MUC4: variants seen among roughly 807,000 people sequenced by gnomAD.
MUC4 encodes the protein mucin 4, cell surface associated, also known as mucin-4.
A neutral mutation model predicts 257.9 loss-of-function variants in MUC4; 202 were observed. The observed-to-expected ratio is 0.78, with a 90% confidence interval of 0.70 to 0.88. MUC4 has a LOEUF of 0.88. Among genes scored for constraint, MUC4 ranks in the 40% least tolerant of loss-of-function variants. MUC4 has a pLI of 0.00. For synonymous variants in MUC4, 2,351 were observed against 2,757.1 expected, an observed-to-expected ratio of 0.85 and a Z score of 4.62; for missense variants, 5,976 against 6,513.7, an observed-to-expected ratio of 0.92 and a Z score of 2.84.
At chr3:195,775,277 C>T (rs112109766) in intron 3 of MUC4, among the ~76,000 whole-genome samples, 2 of 151,792 alleles carry the variant, frequency 1.3e-5, no homozygotes, top group African/African-American at 4.9e-5. Context: ...ATGCCGGCCG[C>T]ACTTTTTGCT....
chr3:195,767,703 TAC>T (rs1560263767), intron 7 of MUC4, among the ~76,000 whole-genome samples: 23 of 1,216 alleles, frequency 0.019, no homozygotes, highest in Admixed American at 0.044. Flanking sequence ...CCCCAAAAAA[TAC>T]CACCATCGGC....
Position 195,770,280 on chromosome 3 carries a change from G to A in MUC4, c.13334C>T (p.Ala4445Val). The A allele has an allele frequency of 6.2e-7, 1 of 1,614,054 alleles. No homozygotes were observed. The highest frequency in any genetic ancestry group is 8.5e-7 in the Non-Finnish European group (1 of 1,179,988). Residue 4445 changes from alanine to valine, a missense_variant, in exon 6 of 25, where the codon GCC (alanine) becomes GTC (valine). Ala to Val is a moderately conservative substitution (Grantham distance 64). Transcript: ENST00000463781. ...CCACGTGACCTTTAGGGCCCACCTG[G>A]CCTTGTAGCCCCCGTTGTTTGTCAT... ...RKMTNNGGYK[A>V]RWALKVTWVN...
In MUC4 at chr3:195,788,384, A is replaced by G. The variant is rs1170224900; in HGVS notation, c.3196T>C (p.Ser1066Pro). 1 of 1,526,478 alleles carries G rather than the reference A, an allele frequency of 6.6e-7. No individual in the cohort carries two copies. The highest frequency in any genetic ancestry group is 1.5e-5 in the African/African-American group (1 of 67,674). 94.6% of individuals were successfully genotyped at this position (1,526,478 alleles called of 1,614,324 possible). Residue 1066 changes from serine (S) to proline (P), a missense_variant, in exon 2 of 25, where the codon TCC (serine) becomes CCC (proline). Physicochemically the swap from Ser to Pro is moderately conservative, Grantham distance 74. This residue lies in a region of MUC4 where 68 missense variants were observed against 90.4 expected (regional missense o/e 0.75). Transcript: ENST00000463781. ...GGAAGAGGGGTGACGTGACCTGTGG[A>G]TGCTGAGGAAGTGTCAGTGACAGGA... ...PLPVTDTSSA[S>P]TGHVTPLPVT...
At position 195,780,753 on chromosome 3, in the gene MUC4, T is replaced by A. The variant is rs1727266550; in HGVS notation, c.10827A>T (p.Ala3609=). 2.7e-6 allele frequency: 4 copies of A among 1,482,970 alleles called. No individual in the cohort carries two copies. The highest frequency in any genetic ancestry group is 1.2e-5 in the South Asian group (1 of 81,766). The allele number at this position is 1,482,970 out of a possible 1,614,324, so 91.9% of individuals were successfully genotyped here. The change falls in exon 2 of 25, where the codon GCA becomes GCT. Residue 3609 remains alanine (A), a synonymous_variant. Coordinates refer to ENST00000463781, the MANE Select transcript of MUC4 (RefSeq NM_018406.7). ...TPLPVTDTSS[A]STGDTTRLPV... Reference sequence around the variant, plus strand: ...GAAGACGGGTGGTGTCACCTGTGGATGCTGAGGAAGTGTCGGTGACAGGAA... The same window carrying A: ...GAAGACGGGTGGTGTCACCTGTGGAAGCTGAGGAAGTGTCGGTGACAGGAA...
rs954441423 is a variant in MUC4, at chr3:195,757,244, G to A, written c.15071C>T (p.Ala5024Val). Residue 5024 changes from alanine (A) to valine (V), a missense_variant, in exon 18 of 25, where the codon GCA (alanine) becomes GTA (valine). Around this residue, in one of 44 missense-constraint regions of MUC4, gnomAD observed 996 missense variants for 1,137.3 expected, o/e 0.88. Transcript: ENST00000463781. This position sits in a 1 kb window ranked among gnomAD's most constrained non-coding sequence, Gnocchi z 4.8. ...CACAGTCCTGGGCTGGAGTGCAGAT[G>A]CCAAGCCAATCTTGGCACTTCTTGC... ...ILARSAKIGL[A>V]SALQPRTVVC... 9.9e-6 allele frequency: 16 copies of A among 1,613,466 alleles called. No individual in the cohort carries two copies. Among genetic ancestry groups the A allele is most frequent in the Non-Finnish European group, 1.4e-5 (16 of 1,179,526 alleles).
In MUC4 at chr3:195,798,573, G is replaced by A. The variant is rs947418735; in HGVS notation, c.83-7076C>T. Among the ~76,000 whole-genome samples, 115 of 151,782 alleles carry A rather than the reference G, an allele frequency of 7.6e-4. 1 individual carries two copies. Among genetic ancestry groups the A allele is most frequent in the Non-Finnish European group, 1.1e-3 (75 of 67,914 alleles). ...AAAAAAATTAGCCGGGCGTGGTGGC[G>A]GGCGCCTGTAGTCCCAGCTACTCGG... On this transcript the variant is annotated intron_variant, in intron 1 of 24. Transcript: ENST00000463781.
chr3:195,754,829 TG>T (rs1015702966), intron 18 of MUC4, among the ~76,000 whole-genome samples: 3 of 151,878 alleles, frequency 2.0e-5, no homozygotes, highest in African/African-American at 7.3e-5. Context: ...TGTGTATCCA[TG>T]TGTGTATGTA....
At chr3:195,794,402 G>C (rs918856716) in intron 1 of MUC4, among the ~76,000 whole-genome samples, 7 of 151,900 alleles carry the variant, frequency 4.6e-5, no homozygotes, top group African/African-American at 1.7e-4. Flanking sequence ...AAGAAAGAGA[G>C]AGAGAGAGAA....
Position 195,788,543 on chromosome 3 carries a change from T to TGTGGATTCTGAGGAAGTGTC in MUC4, c.3036_3037insGACACTTCCTCAGAATCCAC (p.Ser1013AspfsTer230). On this transcript the variant is annotated frameshift_variant, in exon 2 of 25. Transcript: ENST00000463781. LOFTEE classifies it high-confidence loss of function. ...TGACCTGTGGATACTGAGGAAGGGC[T>TGTGGATTCTGAGGAAGTGTC]GGTGACAGGAAGAGGGGTGGCGTGA... is the stretch of plus-strand genomic sequence containing the variant. The TGTGGATTCTGAGGAAGTGTC allele has an allele frequency of 1.0e-6, 1 of 953,288 alleles. No homozygotes were observed. Among genetic ancestry groups the TGTGGATTCTGAGGAAGTGTC allele is most frequent in the Non-Finnish European group, 1.3e-6 (1 of 758,758 alleles). 59.1% of individuals were successfully genotyped at this position (953,288 alleles called of 1,614,324 possible). A position where few individuals can be genotyped will look rare whatever the true frequency, so the allele number is the denominator to read the frequency against.
chr3:195,791,801 G>C (rs1420905804), intron 1 of MUC4, among the ~76,000 whole-genome samples: 1 of 152,140 alleles, frequency 6.6e-6, no homozygotes, highest in Non-Finnish European at 1.5e-5. Flanking sequence ...ATAAACCAAT[G>C]GAACAGAATA....
intron 1 of MUC4, among the ~76,000 whole-genome samples, chr3:195,811,125 CTTAT>C (rs980160644): frequency 1.3e-4 from 19 of 151,198 alleles, no homozygotes; most frequent in African/African-American, 4.6e-4. Context: ...TTCTCCTCTT[CTTAT>C]TTTTTATTTT....
At chr3:195,808,660 G>A (rs1359951467) in intron 1 of MUC4, among the ~76,000 whole-genome samples, 1 of 152,212 alleles carries the variant, frequency 6.6e-6, no homozygotes, top group Non-Finnish European at 1.5e-5. Context: ...GCTGCCAAGG[G>A]CGTCGCTGAT....
Position 195,785,352 on chromosome 3 carries a change from ACC to A in MUC4, c.6226_6227del (p.Gly2076SerfsTer39). ...CGGTGACAAGAAGAGGGGTGGCGTG[ACC>A]TGTGGATGCTGAGGAAGGGTTAGTG... ...PVTNPSSAST[G>X]HATPLLVTDA... On this transcript the variant is annotated frameshift_variant, in exon 2 of 25. Coordinates refer to ENST00000463781, the MANE Select transcript of MUC4 (RefSeq NM_018406.7). LOFTEE classifies it high-confidence loss of function. 1 of 1,518,010 alleles carries A rather than the reference ACC, an allele frequency of 6.6e-7. No homozygotes were observed. The highest frequency in any genetic ancestry group is 1.2e-5 in the South Asian group (1 of 82,702). 94.0% of individuals were successfully genotyped at this position (1,518,010 alleles called of 1,614,324 possible).
Position 195,786,330 on chromosome 3 carries a change from A to G in MUC4, c.5250T>C (p.Ala1750=). 1.3e-6 allele frequency: 2 copies of G among 1,516,916 alleles called. No individual in the cohort carries two copies. The highest frequency in any genetic ancestry group is 1.4e-5 in the African/African-American group (1 of 69,276). The allele number at this position is 1,516,916 out of a possible 1,614,324, so 94.0% of individuals were successfully genotyped here. A position where few individuals can be genotyped will look rare whatever the true frequency, so the allele number is the denominator to read the frequency against. Residue 1750 remains alanine, a synonymous_variant, in exon 2 of 25, where the codon GCT becomes GCC. Coordinates refer to ENST00000463781, the MANE Select transcript of MUC4 (RefSeq NM_018406.7). ...TGGCCTGACCTGTGGATGCTGAGGAAGCGTCAGTGACAAGAAGAGGGCTGG... is the reference window on the plus strand; with the variant it reads ...TGGCCTGACCTGTGGATGCTGAGGAGGCGTCAGTGACAAGAAGAGGGCTGG... The part of the protein sequence containing the change: ...GHASPLLVTD[A]SSASTGQATP...
rs1173915418 is a variant in MUC4, at chr3:195,774,202, G to C, written c.13047C>G (p.Pro4349=). ...SPLFKPATGF[P]LGSSLRDSLY... The stretch of plus-strand genomic sequence containing the variant: ...GGGAATCACGGAGAGAGGAGCCAAG[G>C]GGGAAGCCAGTCGCCGGCTTGAAGA... Residue 4349 remains proline, a synonymous_variant, in exon 4 of 25, where the codon CCC becomes CCG. Transcript: ENST00000463781. 2 of 1,608,918 alleles carry C rather than the reference G, an allele frequency of 1.2e-6. No individual in the cohort carries two copies. Among genetic ancestry groups the C allele is most frequent in the Admixed American group, 3.4e-5 (2 of 59,514 alleles).
At chr3:195,769,839 C>T (rs567284465) in intron 6 of MUC4, among the ~76,000 whole-genome samples, 6 of 152,188 alleles carry the variant, frequency 3.9e-5, no homozygotes, top group Admixed American at 2.6e-4. Context: ...TGACTCTGAA[C>T]GAGTTACTTA....
chr3:195,791,817 C>G (rs1167812748), intron 1 of MUC4, among the ~76,000 whole-genome samples: 1 of 152,130 alleles, frequency 6.6e-6, no homozygotes, highest in Non-Finnish European at 1.5e-5. Flanking sequence ...GAATAGATAC[C>G]TTGGAAATAA....
chr3:195,802,567 G>A (rs1735482025), intron 1 of MUC4, among the ~76,000 whole-genome samples: 1 of 152,078 alleles, frequency 6.6e-6, no homozygotes, highest in Admixed American at 6.6e-5. Context: ...ATTGGTCCTG[G>A]GTGTCTGCGT....
chr3:195,799,396 A>G (rs529316348), intron 1 of MUC4, among the ~76,000 whole-genome samples: 1 of 151,946 alleles, frequency 6.6e-6, no homozygotes, highest in African/African-American at 2.4e-5. Flanking sequence ...TGCAACCTCC[A>G]CCTCCGTGAT....
Sources: allele counts gnomAD v4.1 joint callset (sites outside exome capture counted in the v4.1 genomes callset), GRCh38; gene constraint gnomAD v4.1.1; regional missense constraint gnomAD v4.1.1; non-coding constraint Gnocchi (gnomAD v3.1); transcripts MANE v1.5; gene names NCBI Gene and HGNC (gene_info 2026-07-23, HGNC 2026-07-21).